KCNN2: variants seen among roughly 807,000 people sequenced by gnomAD.
KCNN2 encodes the protein potassium calcium-activated channel subfamily N member 2.
In KCNN2, 24 loss-of-function variants were observed where a neutral mutation model predicts 55.5. The ratio of observed to expected loss-of-function variants is 0.43; its 90% CI spans 0.31 to 0.61. The LOEUF (loss-of-function observed/expected upper bound fraction) is 0.61. KCNN2 is among the 20% of genes least tolerant of loss of function. KCNN2 has a pLI of 0.08. For synonymous variants in KCNN2, 431 were observed against 336.1 expected (o/e 1.28, Z -3.09); for missense variants, 754 against 853.6 (o/e 0.88, Z 1.45).
chr5:114,384,407 T>A (rs1349267263), intron 2 of KCNN2, among the ~76,000 whole-genome samples: 1 of 152,184 alleles, frequency 6.6e-6, no homozygotes, highest in Non-Finnish European at 1.5e-5. Context: ...AGTGGTAGAA[T>A]AGAAGCCAAT....
intron 1 of KCNN2, among the ~76,000 whole-genome samples, chr5:114,069,017 G>A (rs1000672749): frequency 3.3e-5 from 5 of 152,088 alleles, no homozygotes; most frequent in South Asian, 4.1e-4. Context: ...GTTTCACTAC[G>A]TTGTACAGGC....
intron 2 of KCNN2, among the ~76,000 whole-genome samples, chr5:114,285,670 A>G (rs1202199880): frequency 6.6e-6 from 1 of 152,162 alleles, no homozygotes. Context: ...GTGAATATAC[A>G]TTGAGTGTGG....
At chr5:114,143,000 C>T (rs1358105040) in intron 1 of KCNN2, among the ~76,000 whole-genome samples, 1 of 152,112 alleles carries the variant, frequency 6.6e-6, no homozygotes, top group Non-Finnish European at 1.5e-5. Flanking sequence ...GGGGCTCTTT[C>T]CTTTTTCCCA....
intron 2 of KCNN2, among the ~76,000 whole-genome samples, chr5:114,334,261 TGTGTG>T (rs1439718222): frequency 8.0e-4 from 1 of 1,248 alleles, no homozygotes; most frequent in African/African-American, 1.6e-3. Flanking sequence ...ATATGCCTGA[TGTGTG>T]TGTGTGTGTG....
intron 1 of KCNN2, among the ~76,000 whole-genome samples, chr5:114,179,740 A>G (rs1478311100): frequency 6.6e-6 from 1 of 152,136 alleles, no homozygotes; most frequent in Non-Finnish European, 1.5e-5. Flanking sequence ...CTCACAGTAG[A>G]GCGTTTAAAA....
intron 2 of KCNN2, among the ~76,000 whole-genome samples, chr5:114,222,301 T>C (rs1219380887): frequency 6.6e-6 from 1 of 152,162 alleles, no homozygotes; most frequent in South Asian, 2.1e-4. Context: ...ATTTGCATGG[T>C]ATCGTTAGGC....
chr5:114,203,522 A>T (rs1425757223), intron 1 of KCNN2, among the ~76,000 whole-genome samples: 2 of 152,060 alleles, frequency 1.3e-5, no homozygotes, highest in Non-Finnish European at 2.9e-5. Context: ...GTGTCTTGTC[A>T]CTCTGCCACA....
chr5:114,141,579 C>T (rs1263218388), intron 1 of KCNN2, among the ~76,000 whole-genome samples: 1 of 152,154 alleles, frequency 6.6e-6, no homozygotes, highest in Non-Finnish European at 1.5e-5. Flanking sequence ...GTGAATAGTG[C>T]TGCAGTAAAC....
At chr5:114,179,643 CT>C (rs994188488) in intron 1 of KCNN2, among the ~76,000 whole-genome samples, 66 of 149,994 alleles carry the variant, frequency 4.4e-4, no homozygotes, top group East Asian at 3.9e-4. Flanking sequence ...AAATGTCAAA[CT>C]TTTTTTTTTC....
chr5:114,356,549 T>C (rs1757297052), intron 2 of KCNN2, among the ~76,000 whole-genome samples: 1 of 152,110 alleles, frequency 6.6e-6, no homozygotes, highest in African/African-American at 2.4e-5. Context: ...GCAGAGACTT[T>C]TATAGATATG....
At chr5:114,343,594 A>G (rs186144173) in intron 2 of KCNN2, among the ~76,000 whole-genome samples, 1 of 152,196 alleles carries the variant, frequency 6.6e-6, no homozygotes, top group East Asian at 1.9e-4. Flanking sequence ...AGAGGGGCAA[A>G]AGAATGAAGT....
At chr5:114,476,344 C>A (rs1291483127) in intron 5 of KCNN2, among the ~76,000 whole-genome samples, 1 of 151,964 alleles carries the variant, frequency 6.6e-6, no homozygotes, top group Non-Finnish European at 1.5e-5. Flanking sequence ...AGTAGAACTA[C>A]TTTGCAGTAT....
rs114434463 is a variant in KCNN2 at position 114,416,827 on chromosome 5, A to G, written c.1637+11971A>G. ...ACTTCATATAAAACCTCATGTAGGAATCATGGTTTGTAAATATGAAAGCCA... is the reference window on the plus strand; with the variant it reads ...ACTTCATATAAAACCTCATGTAGGAGTCATGGTTTGTAAATATGAAAGCCA... On this transcript the variant is annotated intron_variant, in intron 3 of 7. Coordinates refer to ENST00000673685, the MANE Select transcript of KCNN2 (RefSeq NM_021614.4). 5.7e-3 allele frequency among the ~76,000 whole-genome samples: 868 copies of G among 152,320 alleles called. 14 individuals carry two copies. Among genetic ancestry groups the G allele is most frequent in the African/African-American group, 0.02 (827 of 41,564 alleles).
At chr5:114,439,834 G>A (rs1316938790) in intron 3 of KCNN2, among the ~76,000 whole-genome samples, 1 of 152,124 alleles carries the variant, frequency 6.6e-6, no homozygotes, top group Non-Finnish European at 1.5e-5. Context: ...GCTTGGTGAG[G>A]TTATAGGGGT....
intron 2 of KCNN2, among the ~76,000 whole-genome samples, chr5:114,327,711 CCTTCTGTGT>C (rs1756739263): frequency 6.6e-6 from 1 of 152,178 alleles, no homozygotes; most frequent in Non-Finnish European, 1.5e-5. Context: ...TGTGCTTTCT[CCTTCTGTGT>C]TATGTCCTCT....
At chr5:114,342,340 T>C (rs1348507553) in intron 2 of KCNN2, among the ~76,000 whole-genome samples, 1 of 152,138 alleles carries the variant, frequency 6.6e-6, no homozygotes, top group Non-Finnish European at 1.5e-5. Flanking sequence ...AACTGACATA[T>C]TCCCTGAGAG....
chr5:114,200,206 T>C (rs1207268536), intron 1 of KCNN2, among the ~76,000 whole-genome samples: 1 of 152,142 alleles, frequency 6.6e-6, no homozygotes. Context: ...AAATACTTTT[T>C]TTTTATTTTT....
intron 2 of KCNN2, among the ~76,000 whole-genome samples, chr5:114,262,218 A>G (rs1435083177): frequency 6.6e-6 from 1 of 152,190 alleles, no homozygotes; most frequent in Non-Finnish European, 1.5e-5. Context: ...GCAATTTAAA[A>G]AGTTATCTTT....
At chr5:114,110,514 A>G (rs941301126) in intron 1 of KCNN2, among the ~76,000 whole-genome samples, 2 of 152,010 alleles carry the variant, frequency 1.3e-5, no homozygotes, top group African/African-American at 2.4e-5. Flanking sequence ...AGAATCCAAA[A>G]ATATTGTAGA....
Sources: gnomAD v4.1 joint callset for allele counts (sites outside exome capture counted in the v4.1 genomes callset) on GRCh38, gnomAD v4.1.1 for gene constraint, MANE v1.5 for transcripts, NCBI Gene and HGNC (gene_info 2026-07-23, HGNC 2026-07-21) for gene names.